The following PDE4D variants were observed in gnomAD, a reference collection of about 807,000 sequenced individuals.
PDE4D encodes the protein 3',5'-cyclic-AMP phosphodiesterase 4D.
In PDE4D, 24 loss-of-function variants were observed where a neutral mutation model predicts 87.4. The ratio of observed to expected loss-of-function variants is 0.27; its 90% CI spans 0.20 to 0.39. The LOEUF (loss-of-function observed/expected upper bound fraction) is 0.39. Among genes scored for constraint, PDE4D ranks in the 10% least tolerant of loss-of-function variants. PDE4D has a pLI of 1.00. For synonymous variants in PDE4D, 384 were observed against 383.2 expected (o/e 1.00, Z -0.02); for missense variants, 714 against 1,041.0 (o/e 0.69, Z 4.32).
At chr5:59,459,112 C>T (rs995145485) in intron 1 of PDE4D, among the ~76,000 whole-genome samples, 4 of 151,986 alleles carry the variant, frequency 2.6e-5, no homozygotes, top group Non-Finnish European at 5.9e-5. Flanking sequence ...GCTTTGGTTT[C>T]AGTGTTATCA....
intron 1 of PDE4D, among the ~76,000 whole-genome samples, chr5:59,333,287 G>C (rs1317420066): frequency 2.6e-5 from 4 of 151,930 alleles, no homozygotes; most frequent in African/African-American, 7.3e-5. Flanking sequence ...AATATGAAGG[G>C]CAGCATTTTT....
intron 1 of PDE4D, among the ~76,000 whole-genome samples, chr5:60,360,685 A>G (rs1401071694): frequency 3.9e-5 from 6 of 152,220 alleles, no homozygotes. Context: ...ACCTAATGCT[A>G]TATGTGGGTC....
intron 1 of PDE4D, among the ~76,000 whole-genome samples, chr5:60,193,394 G>A (rs1394232423): frequency 6.6e-6 from 1 of 152,066 alleles, no homozygotes; most frequent in African/African-American, 2.4e-5. Flanking sequence ...TCACAGGCCG[G>A]GCGCAGTGGC....
intron 1 of PDE4D, among the ~76,000 whole-genome samples, chr5:60,344,586 T>C (rs1583479583): frequency 6.6e-6 from 1 of 152,174 alleles, no homozygotes; most frequent in South Asian, 2.1e-4. Flanking sequence ...CTATAACCTA[T>C]GCAATAAAAT....
At chr5:59,974,206 G>T (rs1362684366) in intron 3 of PDE4D, among the ~76,000 whole-genome samples, 1 of 152,092 alleles carries the variant, frequency 6.6e-6, no homozygotes, top group Admixed American at 6.6e-5. Flanking sequence ...AATAATGCTT[G>T]AATGCCAGAA....
At chr5:60,403,384 T>C (rs2042315) in intron 1 of PDE4D, among the ~76,000 whole-genome samples, 60,388 of 152,114 alleles carry the variant, frequency 0.4, 14,444 homozygotes, top group African/African-American at 0.66. Context: ...ACCTACACTC[T>C]CAGGAAATGT....
At chr5:59,601,112 T>C (rs1220039849) in intron 1 of PDE4D, among the ~76,000 whole-genome samples, 1 of 152,172 alleles carries the variant, frequency 6.6e-6, no homozygotes, top group African/African-American at 2.4e-5. Context: ...TAAATCACTT[T>C]CAGAGAAACA....
chr5:60,513,001 T>A (rs1181129930), intron 1 of PDE4D, among the ~76,000 whole-genome samples: 2 of 151,916 alleles, frequency 1.3e-5, no homozygotes, highest in African/African-American at 4.8e-5. Context: ...TGGAAAATAA[T>A]AATAAATTTT....
rs114517555 is a variant in PDE4D at position 59,815,290 on chromosome 5, T to C, written c.455+77878A>G. 1.3e-3 allele frequency among the ~76,000 whole-genome samples: 204 copies of C among 152,330 alleles called. 1 individual carries two copies. The highest frequency in any genetic ancestry group is 2.6e-3 in the Non-Finnish European group (176 of 68,028). ...ACTATTTCATAGTTGATTTTAGTAT[T>C]GGTCCCTGAAAACATTTCAGAACTC... On this transcript the variant is annotated intron_variant, in intron 1 of 14. Transcript: ENST00000340635.
intron 1 of PDE4D, among the ~76,000 whole-genome samples, chr5:59,509,829 T>C (rs893322236): frequency 4.7e-5 from 7 of 147,990 alleles, no homozygotes; most frequent in African/African-American, 1.7e-4. Flanking sequence ...ATTATAATTA[T>C]ATTATAAACT....
intron 1 of PDE4D, among the ~76,000 whole-genome samples, chr5:60,367,909 C>T (rs1383342243): frequency 1.3e-5 from 2 of 152,156 alleles, no homozygotes; most frequent in African/African-American, 4.8e-5. Flanking sequence ...CCTGTCCAGC[C>T]CTGACCTGTC....
At chr5:59,099,454 T>C (rs1770354001) in intron 5 of PDE4D, among the ~76,000 whole-genome samples, 1 of 152,196 alleles carries the variant, frequency 6.6e-6, no homozygotes. Context: ...TGCTGTAACA[T>C]CCACCCTCTT....
At chr5:59,013,996 G>C (rs1200316225) in intron 6 of PDE4D, among the ~76,000 whole-genome samples, 1 of 152,110 alleles carries the variant, frequency 6.6e-6, no homozygotes, top group East Asian at 1.9e-4. Flanking sequence ...TTCAACATAT[G>C]CAAATCAATA....
chr5:59,631,390 A>C (rs1333846442), intron 1 of PDE4D, among the ~76,000 whole-genome samples: 2 of 152,134 alleles, frequency 1.3e-5, no homozygotes, highest in Non-Finnish European at 2.9e-5. Flanking sequence ...TACTGAGATA[A>C]TTTACTTGCT....
At chr5:60,163,287 T>C (rs1782615276) in intron 2 of PDE4D, among the ~76,000 whole-genome samples, 1 of 152,160 alleles carries the variant, frequency 6.6e-6, no homozygotes, top group South Asian at 2.1e-4. Context: ...CTTGCCTATT[T>C]ATTACTCTAT....
At chr5:59,904,925 GA>G (rs1212180339) in intron 3 of PDE4D, among the ~76,000 whole-genome samples, 1 of 152,050 alleles carries the variant, frequency 6.6e-6, no homozygotes, top group African/African-American at 2.4e-5. Flanking sequence ...TTCAGGAAAG[GA>G]AAAAATATAC....
At chr5:59,406,510 C>A (rs563605284) in intron 1 of PDE4D, among the ~76,000 whole-genome samples, 43 of 150,912 alleles carry the variant, frequency 2.8e-4, no homozygotes, top group South Asian at 1.1e-3. Flanking sequence ...CCTGCCTCAG[C>A]CTTCTGAGTA....
chr5:60,199,567 C>T (rs1741671689), intron 1 of PDE4D, among the ~76,000 whole-genome samples: 1 of 151,606 alleles, frequency 6.6e-6, no homozygotes, highest in South Asian at 2.1e-4. Context: ...CATCTCAGGG[C>T]TTATTAGTTC....
intron 1 of PDE4D, among the ~76,000 whole-genome samples, chr5:59,551,471 T>TCTCACA (rs1554024267): frequency 1.3e-5 from 2 of 148,810 alleles, no homozygotes; most frequent in Non-Finnish European, 3.0e-5. Flanking sequence ...GCTACTTCAG[T>TCTCACA]CACACACACA....
Sources: gnomAD v4.1 joint callset for allele counts (sites outside exome capture counted in the v4.1 genomes callset) on GRCh38, gnomAD v4.1.1 for gene constraint, MANE v1.5 for transcripts, NCBI Gene and HGNC (gene_info 2026-07-23, HGNC 2026-07-21) for gene names.